PLCB3: variants seen among roughly 807,000 people sequenced by gnomAD.
The protein encoded by PLCB3 is phospholipase C beta 3.
In PLCB3, 54 loss-of-function variants were observed where a neutral mutation model predicts 152.1. That is an observed-to-expected ratio of 0.36 (90% confidence interval 0.29 to 0.45). PLCB3 has a LOEUF of 0.45. Among genes scored for constraint, PLCB3 ranks in the 20% least tolerant of loss-of-function variants. PLCB3 has a pLI of 1.00. For synonymous variants in PLCB3, 717 were observed against 698.7 expected, an observed-to-expected ratio of 1.03 and a Z score of -0.41; for missense variants, 1,248 against 1,687.5, an observed-to-expected ratio of 0.74 and a Z score of 4.56.
chr11:64,267,490 A>G lies in PLCB3; in HGVS notation c.3639A>G (p.Ala1213=). Residue 1213 remains alanine, a synonymous_variant, in exon 31 of 31, where the codon GCA becomes GCG. Coordinates refer to ENST00000279230, the MANE Select transcript of PLCB3 (RefSeq NM_000932.5). This position sits in a 1 kb window ranked among gnomAD's most constrained non-coding sequence, Gnocchi z 5.2. ...TGGCCTGTGCCAGCAACGGTCACGCACCCGGGAGCAGCGGGCACCTGTCGG... is the reference window on the plus strand; with the variant it reads ...TGGCCTGTGCCAGCAACGGTCACGCGCCCGGGAGCAGCGGGCACCTGTCGG... The part of the protein sequence containing the change: ...PLVACASNGH[A]PGSSGHLSGA... 6.4e-7 allele frequency: 1 copy of G among 1,568,340 alleles called. No individual in the cohort carries two copies. Among genetic ancestry groups the G allele is most frequent in the Non-Finnish European group, 8.6e-7 (1 of 1,161,282 alleles).
rs753592925 is a variant in PLCB3, at chr11:64,254,927, T to C, written c.276T>C (p.Phe92=). The part of the protein sequence containing the change: ...KDPKIREVLG[F]GGPDARLEEK... Reference sequence around the variant, plus strand: ...CCAAGATCCGGGAAGTTCTGGGCTTTGGGGGTCCCGATGCCCGGCTGGAGG... The same window carrying C: ...CCAAGATCCGGGAAGTTCTGGGCTTCGGGGGTCCCGATGCCCGGCTGGAGG... The change falls in exon 4 of 31, where the codon TTT becomes TTC. Residue 92 remains phenylalanine, a synonymous_variant. Coordinates refer to ENST00000279230, the MANE Select transcript of PLCB3 (RefSeq NM_000932.5). 2.5e-6 allele frequency: 4 copies of C among 1,605,152 alleles called. No individual in the cohort carries two copies. The highest frequency in any genetic ancestry group is 3.4e-6 in the Non-Finnish European group (4 of 1,174,626).
intron 24 of PLCB3, 37 bp downstream of exon 24, chr11:64,265,264 T>TG: frequency 1.3e-6 from 2 of 1,584,638 alleles, no homozygotes; most frequent in Non-Finnish European, 1.7e-6. Context: ...GGGGCTGCCT[T>TG]GCAGGTTCCC....
chr11:64,264,203 GTC>G (rs2031998631), intron 22 of PLCB3, 91 bp downstream of exon 22: 2 of 863,932 alleles, frequency 2.3e-6, no homozygotes, highest in Non-Finnish European at 3.6e-6. Flanking sequence ...GGGGCTTCTG[GTC>G]TCTCTAGCGC....
chr11:64,255,461 T>A lies in PLCB3; in HGVS notation c.521+12T>A. 1 of 1,614,072 alleles carries A rather than the reference T, an allele frequency of 6.2e-7. No homozygotes were observed. The highest frequency in any genetic ancestry group is 8.5e-7 in the Non-Finnish European group (1 of 1,179,932). ...ATCCCCGTCAAGAAGTGAGCACCCC[T>A]TCCCCCAGCACCTTCCTCCTGCCCT... On this transcript the variant is annotated intron_variant, in intron 6 of 30. Coordinates refer to ENST00000279230, the MANE Select transcript of PLCB3 (RefSeq NM_000932.5). This position sits in a 1 kb window ranked among gnomAD's most constrained non-coding sequence, Gnocchi z 6.8.
Position 64,265,383 on chromosome 11 carries a change from A to G in PLCB3, c.2916A>G (p.Arg972=). The G allele has an allele frequency of 6.2e-7, 1 of 1,611,782 alleles. No individual in the cohort carries two copies. Among genetic ancestry groups the G allele is most frequent in the Non-Finnish European group, 8.5e-7 (1 of 1,179,512 alleles). The part of the protein sequence containing the change: ...ALVKLRSRQE[R]DLRELRKKHQ... The stretch of plus-strand genomic sequence containing the variant: ...TCAAGCTCCGGAGCCGGCAAGAGCG[A>G]GACCTGCGGGAGCTGCGCAAGAAGC... The change falls in exon 25 of 31, where the codon CGA becomes CGG. Residue 972 remains arginine, a synonymous_variant. Transcript: ENST00000279230.
intron 22 of PLCB3, 101 bp downstream of exon 22, chr11:64,264,213 CGCAGTAG>C (rs1315176885): frequency 5.4e-6 from 4 of 740,770 alleles, no homozygotes; most frequent in Non-Finnish European, 8.4e-6. Context: ...GTCTCTCTAG[CGCAGTAG>C]GCTTGGCAGC....
downstream of PLCB3, among the ~76,000 whole-genome samples, chr11:64,269,315 G>C (rs964097540): frequency 6.6e-6 from 1 of 152,228 alleles, no homozygotes; most frequent in Non-Finnish European, 1.5e-5. Context: ...CCGCGAGCAG[G>C]GCCGTGGCGC....
At position 64,254,814 on chromosome 11, in the gene PLCB3, A is replaced by C. The variant is rs1336044037; in HGVS notation, c.244A>C (p.Lys82Gln). Residue 82 changes from lysine (K) to glutamine (Q), a missense_variant and splice_region_variant, in exon 3 of 31, where the codon AAG (lysine) becomes CAG (glutamine). This residue lies in a region of PLCB3 where 299 missense variants were observed against 434.7 expected (regional missense o/e 0.69). Transcript: ENST00000279230. ...TRTGRYARLPKDPKIREVLGF... is the reference protein window; with the variant it reads ...TRTGRYARLPQDPKIREVLGF... ...GACAGGCCGGTACGCCCGCCTGCCC[A>C]AGGTGAGTGATGAGCCTGGGAGTGA... The C allele has an allele frequency of 6.2e-7, 1 of 1,613,870 alleles. No homozygotes were observed. Among genetic ancestry groups the C allele is most frequent in the East Asian group, 2.2e-5 (1 of 44,880 alleles).
chr11:64,260,303 C>T, intron 14 of PLCB3, 69 bp downstream of exon 14: 1 of 1,145,660 alleles, frequency 8.7e-7, no homozygotes, highest in Middle Eastern at 1.9e-4. Context: ...TGGGTCTGAC[C>T]ATCAACAAGA....
Position 64,263,705 on chromosome 11 carries a change from TGCCTGCGGAACGAG to T in PLCB3, c.2474_2487del (p.Leu825GlnfsTer21), listed in dbSNP as rs1237085214. ...TGACCACCCAGGATACCACTACGTC[TGCCTGCGGAACGAG>T]GCCAACCAACCGCTGTGCCTGCCGG... On this transcript the variant is annotated frameshift_variant, in exon 21 of 31. Coordinates refer to ENST00000279230, the MANE Select transcript of PLCB3 (RefSeq NM_000932.5). LOFTEE classifies it high-confidence loss of function. The T allele has an allele frequency of 6.2e-7, 1 of 1,613,444 alleles. No homozygotes were observed. Among genetic ancestry groups the T allele is most frequent in the Non-Finnish European group, 8.5e-7 (1 of 1,179,938 alleles).
intron 1 of PLCB3, among the ~76,000 whole-genome samples, chr11:64,252,300 G>A (rs1055240418): frequency 3.3e-5 from 5 of 152,024 alleles, no homozygotes; most frequent in Non-Finnish European, 7.4e-5. Flanking sequence ...GGAGCACCCA[G>A]TCACCCCCTA....
chr11:64,260,338 G>C, intron 14 of PLCB3, 104 bp downstream of exon 14: 1 of 782,194 alleles, frequency 1.3e-6, no homozygotes, highest in Non-Finnish European at 2.1e-6. Context: ...GCCTCCTGGG[G>C]CTCAGTGTGG....
In PLCB3 at chr11:64,258,375, C is replaced by A. The variant is rs2031651315; in HGVS notation, c.1013-98C>A. 3 of 1,356,566 alleles carry A rather than the reference C, an allele frequency of 2.2e-6. No homozygotes were observed. The South Asian group carries it at 4.0e-5, about 18-fold the overall frequency. 84.0% of individuals were successfully genotyped at this position (1,356,566 alleles called of 1,614,324 possible). A position where few individuals can be genotyped will look rare whatever the true frequency, so the allele number is the denominator to read the frequency against. ...GGGTATCCATCTGAGAGATGGAGAGCCCTCTGCAAATCCAGCATGTCCTGG... is the reference window on the plus strand; with the variant it reads ...GGGTATCCATCTGAGAGATGGAGAGACCTCTGCAAATCCAGCATGTCCTGG... On this transcript the variant is annotated intron_variant, in intron 10 of 30. Transcript: ENST00000279230. The surrounding 1 kb of genome is among the most constrained non-coding windows in gnomAD (Gnocchi z 7.2).
At chr11:64,261,869 A>T in intron 16 of PLCB3, 83 bp from the exon 17 acceptor site, 1 of 1,581,184 alleles carries the variant, frequency 6.3e-7, no homozygotes, top group East Asian at 2.2e-5. Context: ...TGTGGGGGTC[A>T]CAGGAGCACC....
At chr11:64,259,812 G>A (rs1327870447) in intron 13 of PLCB3, among the ~76,000 whole-genome samples, 1 of 152,052 alleles carries the variant, frequency 6.6e-6, no homozygotes, top group Non-Finnish European at 1.5e-5. Context: ...GAATATCACT[G>A]CAGACCTTTA....
Position 64,263,537 on chromosome 11 carries a change from T to G in PLCB3, c.2395T>G (p.Phe799Val), listed in dbSNP as rs1271887863. 1 of 1,588,774 alleles carries G rather than the reference T, an allele frequency of 6.3e-7. No individual in the cohort carries two copies. Among genetic ancestry groups the G allele is most frequent in the Non-Finnish European group, 8.6e-7 (1 of 1,167,908 alleles). The change falls in exon 20 of 31, where the codon TTT (phenylalanine) becomes GTT (valine). Residue 799 changes from phenylalanine to valine, a missense_variant. By Grantham distance (50) the Phe-to-Val change is conservative. Around this residue, in one of 6 missense-constraint regions of PLCB3, gnomAD observed 244 missense variants for 424.4 expected, o/e 0.57. Transcript: ENST00000279230. Reference protein sequence around the residue: ...PTLASLRIAAFEEGGKFVGHR... With the variant: ...PTLASLRIAAVEEGGKFVGHR... The stretch of plus-strand genomic sequence containing the variant: ...GCTGGCTTCACTTCGCATTGCAGCC[T>G]TTGAGGAGGGGGGTAAATTCGTAGG...
intron 13 of PLCB3, 59 bp from the exon 14 acceptor site, chr11:64,259,970 A>G (rs1016886547): frequency 4.8e-6 from 7 of 1,452,292 alleles, no homozygotes; most frequent in South Asian, 4.8e-5. Context: ...AAACCCCTCC[A>G]GACTTCCTAA....
In PLCB3 at chr11:64,266,499, C is replaced by G. The variant is rs772390550; in HGVS notation, c.3361C>G (p.Leu1121Val). 1 of 1,613,880 alleles carries G rather than the reference C, an allele frequency of 6.2e-7. No individual in the cohort carries two copies. The highest frequency in any genetic ancestry group is 1.1e-5 in the South Asian group (1 of 91,076). Residue 1121 changes from leucine to valine, a missense_variant, in exon 29 of 31, where the codon CTG becomes GTG. Physicochemically the swap from Leu to Val is conservative, Grantham distance 32. Transcript: ENST00000279230. This position sits in a 1 kb window ranked among gnomAD's most constrained non-coding sequence, Gnocchi z 4.9. ...TCCTGCGTTGCTCCCGTGCAGGGAA[C>G]TGACGGAGATTAACCGTCGGCACAT... ...MRDKHKKEAE[L>V]TEINRRHITE...
intron 1 of PLCB3, 95 bp from the exon 2 acceptor site, chr11:64,254,320 C>A: frequency 3.0e-6 from 3 of 994,606 alleles, no homozygotes; most frequent in South Asian, 1.3e-5. Flanking sequence ...AGCTCATGGG[C>A]AGGAACTCTG....
Sources: gnomAD v4.1 joint callset for allele counts (sites outside exome capture counted in the v4.1 genomes callset) on GRCh38, gnomAD v4.1.1 for gene constraint, gnomAD v4.1.1 regional missense constraint, Gnocchi (gnomAD v3.1) non-coding constraint, MANE v1.5 for transcripts, NCBI Gene and HGNC (gene_info 2026-07-23, HGNC 2026-07-21) for gene names.